Variants in RIMKLB observed in about 807,000 individuals in gnomAD.
RIMKLB encodes beta-citrylglutamate synthase B.
RIMKLB carries 7 observed loss-of-function variants against 32.0 expected under a neutral mutation model. That is an observed-to-expected ratio of 0.22 (90% CI 0.12 to 0.41). The LOEUF (loss-of-function observed/expected upper bound fraction) is 0.41. RIMKLB is among the 10% of genes least tolerant of loss of function. RIMKLB has a pLI of 1.00. For missense variants in RIMKLB, 289 were observed against 498.7 expected (o/e 0.58, Z 4.00); for synonymous variants, 172 against 185.1 (o/e 0.93, Z 0.57).
upstream of RIMKLB, among the ~76,000 whole-genome samples, chr12:8,680,338 T>G (rs2136515436): frequency 6.6e-6 from 1 of 152,078 alleles, no homozygotes; most frequent in Admixed American, 6.5e-5. Flanking sequence ...TTTTTGTATT[T>G]TTAGTAGAGA....
chr12:8,699,304 G>A (rs902302994), intron 1 of RIMKLB, among the ~76,000 whole-genome samples: 2 of 151,866 alleles, frequency 1.3e-5, no homozygotes, highest in Non-Finnish European at 2.9e-5. Flanking sequence ...ATTTATGGGT[G>A]TTCTTAATTA....
intron 5 of RIMKLB, among the ~76,000 whole-genome samples, chr12:8,766,710 G>A (rs761778880): frequency 6.6e-6 from 1 of 152,172 alleles, no homozygotes; most frequent in Non-Finnish European, 1.5e-5. Flanking sequence ...TGTCCTGAAG[G>A]GAGTTCCTCC....
Position 8,776,707 on chromosome 12 carries a change from C to A in RIMKLB, c.*2923C>A, listed in dbSNP as rs1950747396. On this transcript the variant is annotated 3_prime_UTR_variant, in exon 6 of 6. Transcript: ENST00000535829. ...TTTTTGGTGCCTATAATTGATTGGT[C>A]ATTTCTGCTGGCTTTTCTCCAATGA... The A allele has an allele frequency of 1.0e-6, 1 of 984,986 alleles. No individual in the cohort carries two copies. Among genetic ancestry groups the A allele is most frequent in the South Asian group, 4.7e-5 (1 of 21,266 alleles). 61.0% of individuals were successfully genotyped at this position (984,986 alleles called of 1,614,324 possible).
Position 8,774,081 on chromosome 12 carries a change from A to G in RIMKLB, c.*297A>G, listed in dbSNP as rs1950590816. 2.7e-6 allele frequency: 3 copies of G among 1,111,208 alleles called. No homozygotes were observed. Among genetic ancestry groups the G allele is most frequent in the Non-Finnish European group, 3.3e-6 (3 of 910,108 alleles). 68.8% of individuals were successfully genotyped at this position (1,111,208 alleles called of 1,614,324 possible). A position where few individuals can be genotyped will look rare whatever the true frequency, so the allele number is the denominator to read the frequency against. On this transcript the variant is annotated 3_prime_UTR_variant, in exon 6 of 6. Transcript: ENST00000535829. Reference sequence around the variant, plus strand: ...TATGCTCATAGGCCATGAGGAACAAATACTTTTTTTTTTTCATGGTCCCTT... The same window carrying G: ...TATGCTCATAGGCCATGAGGAACAAGTACTTTTTTTTTTTCATGGTCCCTT...
intron 1 of RIMKLB, among the ~76,000 whole-genome samples, chr12:8,690,378 G>C (rs1025601653): frequency 6.6e-6 from 1 of 152,136 alleles, no homozygotes; most frequent in Non-Finnish European, 1.5e-5. Flanking sequence ...TTTCACGTTA[G>C]TAAATGCTAC....
upstream of RIMKLB, among the ~76,000 whole-genome samples, chr12:8,692,567 C>T (rs1036543613): frequency 9.9e-5 from 15 of 152,216 alleles, no homozygotes; most frequent in African/African-American, 3.6e-4. Flanking sequence ...AGGGGGAAAA[C>T]CTGTATCATG....
At chr12:8,757,403 C>T (rs1220059669) in intron 5 of RIMKLB, among the ~76,000 whole-genome samples, 1 of 149,674 alleles carries the variant, frequency 6.7e-6, no homozygotes, top group Non-Finnish European at 1.5e-5. Context: ...CGTGGTGATT[C>T]ACACCTCTGG....
In RIMKLB at chr12:8,747,904, C is replaced by T. The variant is rs1244863614; in HGVS notation, c.176-1958C>T. On this transcript the variant is annotated intron_variant, in intron 2 of 5. Transcript: ENST00000535829. Reference sequence around the variant, plus strand: ...CCGAGTAGCTGAGATTACAGGCATGCACCACCACACCTGGCTAATTTTTGT... The same window carrying T: ...CCGAGTAGCTGAGATTACAGGCATGTACCACCACACCTGGCTAATTTTTGT... Among the ~76,000 whole-genome samples, 4 of 152,096 alleles carry T rather than the reference C, an allele frequency of 2.6e-5. No individual in the cohort carries two copies. The East Asian group carries it at 7.8e-4, about 29-fold the overall frequency.
intron 2 of RIMKLB, among the ~76,000 whole-genome samples, chr12:8,734,193 C>A (rs1025402313): frequency 6.6e-6 from 1 of 152,068 alleles, no homozygotes; most frequent in Non-Finnish European, 1.5e-5. Flanking sequence ...AGAAAGGAGC[C>A]TAAATCTGAG....
chr12:8,728,742 T>C (rs1946261856), intron 2 of RIMKLB, among the ~76,000 whole-genome samples: 1 of 151,914 alleles, frequency 6.6e-6, no homozygotes, highest in Admixed American at 6.6e-5. Context: ...TCCCTAGTAG[T>C]CTGCCACCAT....
intron 1 of RIMKLB, among the ~76,000 whole-genome samples, chr12:8,702,131 T>G (rs1482252552): frequency 9.9e-5 from 15 of 152,262 alleles, no homozygotes; most frequent in Non-Finnish European, 2.2e-4. Flanking sequence ...TATGTTCTGT[T>G]CCATAACTTG....
chr12:8,729,355 G>A (rs78452803), intron 2 of RIMKLB, among the ~76,000 whole-genome samples: 1,602 of 151,920 alleles, frequency 0.011, 21 homozygotes, highest in South Asian at 0.03. Context: ...GGGATGGAGC[G>A]GGAAGGTAAT....
At chr12:8,780,492 T>C (rs1358753496), downstream of RIMKLB, 3 of 152,186 alleles carry the variant, frequency 2.0e-5, no homozygotes, top group Non-Finnish European at 4.4e-5. Context: ...TGTGCAAAAA[T>C]ACGAAATGTT....
chr12:8,726,666 T>G (rs1946038743), intron 2 of RIMKLB, among the ~76,000 whole-genome samples: 1 of 152,120 alleles, frequency 6.6e-6, no homozygotes, highest in Non-Finnish European at 1.5e-5. Context: ...TTCTTTTTTT[T>G]TTCATTTTAT....
chr12:8,673,501 T>C, the RIMKLB span, among the ~76,000 whole-genome samples: 1 of 152,102 alleles, frequency 6.6e-6, no homozygotes, highest in Non-Finnish European at 1.5e-5. Flanking sequence ...GAATGGCTAG[T>C]TGGTGCTAGC....
chr12:8,700,600 CAT>C (rs757650221), intron 1 of RIMKLB: 144 of 152,328 alleles, frequency 9.5e-4, no homozygotes, highest in African/African-American at 3.2e-3. Context: ...GAGAACCAAA[CAT>C]AAAGTAAGGA....
At chr12:8,673,232 C>T in the RIMKLB span, among the ~76,000 whole-genome samples, 1 of 151,950 alleles carries the variant, frequency 6.6e-6, no homozygotes, top group South Asian at 2.1e-4. Context: ...AATACAGTGA[C>T]AGAGCTATGC....
At chr12:8,758,295 A>G (rs1469347697) in intron 5 of RIMKLB, among the ~76,000 whole-genome samples, 1 of 144,618 alleles carries the variant, frequency 6.9e-6, no homozygotes, top group Non-Finnish European at 1.5e-5. Flanking sequence ...AAAATACCTT[A>G]TTTTTTATCG....
At chr12:8,744,035 C>CT (rs1947843443) in intron 2 of RIMKLB, among the ~76,000 whole-genome samples, 2 of 151,848 alleles carry the variant, frequency 1.3e-5, no homozygotes, top group African/African-American at 4.9e-5. Context: ...GGGTAAAGTT[C>CT]TTTGAACAAT....
Sources: gnomAD v4.1 joint callset for allele counts (sites outside exome capture counted in the v4.1 genomes callset) on GRCh38, gnomAD v4.1.1 for gene constraint, MANE v1.5 for transcripts, NCBI Gene and HGNC (gene_info 2026-07-23, HGNC 2026-07-21) for gene names.